The following JMJD1C variants were observed in gnomAD, a reference collection of about 807,000 sequenced individuals.
JMJD1C encodes jumonji domain containing 1C, also known as jumonji domain-containing protein 1C.
In JMJD1C, 31 loss-of-function variants were observed where a neutral mutation model predicts 245.3. The observed-to-expected ratio is 0.13, with a 90% CI of 0.09 to 0.17. The LOEUF (loss-of-function observed/expected upper bound fraction) is 0.17. Among genes scored for constraint, JMJD1C ranks in the 10% least tolerant of loss-of-function variants. JMJD1C has a pLI of 1.00. For synonymous variants in JMJD1C, 1,057 were observed against 1,017.4 expected, an observed-to-expected ratio of 1.04 and a Z score of -0.74; for missense variants, 2,691 against 3,000.2, an observed-to-expected ratio of 0.90 and a Z score of 2.41.
intron 23 of JMJD1C, chr10:63,177,403 C>G (rs1368816281): frequency 1.7e-5 from 5 of 286,330 alleles, no homozygotes; most frequent in Non-Finnish European, 2.0e-5. Context: ...GTTTTTACAT[C>G]CCGCGACTCC....
chr10:63,456,625 C>T (rs1040672536), intron 1 of JMJD1C, among the ~76,000 whole-genome samples: 1 of 152,098 alleles, frequency 6.6e-6, no homozygotes, highest in African/African-American at 2.4e-5. Flanking sequence ...ATTAGTCACA[C>T]AGACCTCTTC....
chr10:63,218,556 A>G (rs1848245720), intron 4 of JMJD1C, among the ~76,000 whole-genome samples: 1 of 152,106 alleles, frequency 6.6e-6, no homozygotes, highest in Non-Finnish European at 1.5e-5. Context: ...AAATATGATC[A>G]GTTTTCAATT....
chr10:63,404,341 A>G (rs1299471604), intron 1 of JMJD1C, among the ~76,000 whole-genome samples: 1 of 152,192 alleles, frequency 6.6e-6, no homozygotes, highest in African/African-American at 2.4e-5. Context: ...CAGAGAGAGA[A>G]AAGATATACG....
Position 63,185,651 on chromosome 10 carries a change from G to A in JMJD1C, c.6742C>T (p.Arg2248Trp). 1 of 1,563,996 alleles carries A rather than the reference G, an allele frequency of 6.4e-7. No individual in the cohort carries two copies. Among genetic ancestry groups the A allele is most frequent in the Non-Finnish European group, 8.8e-7 (1 of 1,135,040 alleles). ...FWDGFEEVSK[R>W]QKNKSGETVV... ...GTTTCTCCACTCTTGTTTTTCTGCC[G>A]TTCTATAAGGAATGCAGTTAATTAC... The change falls in exon 20 of 26, where the codon CGG becomes TGG. Residue 2248 changes from arginine (R) to tryptophan (W), a missense_variant and splice_region_variant. By Grantham distance (101) the Arg-to-Trp change is moderately radical. Around this residue, in one of 9 missense-constraint regions of JMJD1C, gnomAD observed 232 missense variants for 416.1 expected, o/e 0.56. Transcript: ENST00000399262.
chr10:63,318,004 C>G (rs1032017260), intron 2 of JMJD1C, among the ~76,000 whole-genome samples: 1 of 151,902 alleles, frequency 6.6e-6, no homozygotes, highest in African/African-American at 2.4e-5. Context: ...TGCACCACCA[C>G]GCTCGTTTTG....
At chr10:63,273,932 T>C (rs1856555965) in intron 2 of JMJD1C, among the ~76,000 whole-genome samples, 1 of 152,198 alleles carries the variant, frequency 6.6e-6, no homozygotes, top group African/African-American at 2.4e-5. Context: ...AACAAAGATT[T>C]TGGTTCCATT....
At chr10:63,319,988 A>T (rs1940644004) in intron 2 of JMJD1C, among the ~76,000 whole-genome samples, 1 of 151,582 alleles carries the variant, frequency 6.6e-6, no homozygotes, top group African/African-American at 2.4e-5. Flanking sequence ...CTGGTTTCAA[A>T]CTCCTGACCT....
intron 2 of JMJD1C, among the ~76,000 whole-genome samples, chr10:63,325,392 G>A (rs1020825535): frequency 2.0e-5 from 3 of 152,210 alleles, no homozygotes; most frequent in African/African-American, 7.2e-5. Context: ...CCAGGATGGA[G>A]TGCTGTGAGG....
rs1859016456 is a variant in JMJD1C, at chr10:63,293,467, G to C, written c.334-28703C>G. The stretch of plus-strand genomic sequence containing the variant: ...TACATTCACTGCTACCATTCTCTCA[G>C]GTCCATCAAATAAAATATAAATATG... On this transcript the variant is annotated intron_variant, in intron 2 of 25. Coordinates refer to ENST00000399262, the MANE Select transcript of JMJD1C (RefSeq NM_032776.3). 2.0e-5 allele frequency among the ~76,000 whole-genome samples: 3 copies of C among 152,010 alleles called. No individual in the cohort carries two copies. In the South Asian group the frequency reaches 6.2e-4, roughly 31 times the overall value.
At chr10:63,272,022 G>A (rs1359267767) in intron 2 of JMJD1C, among the ~76,000 whole-genome samples, 19 of 148,120 alleles carry the variant, frequency 1.3e-4, no homozygotes, top group African/African-American at 3.7e-4. Context: ...GCAGTGAGCC[G>A]AGATCATACC....
upstream of JMJD1C, among the ~76,000 whole-genome samples, chr10:63,469,540 T>TA (rs1953422689): frequency 6.6e-6 from 1 of 152,210 alleles, no homozygotes; most frequent in African/African-American, 2.4e-5. Flanking sequence ...ATTTAGCACT[T>TA]ACTATGTGGG....
rs375434559 is a variant in JMJD1C, at chr10:63,450,096, G to C, written c.168+15399C>G. Among the ~76,000 whole-genome samples, 23 of 152,226 alleles carry C rather than the reference G, an allele frequency of 1.5e-4. 1 individual carries two copies. The South Asian group carries it at 4.6e-3, about 30-fold the overall frequency. On this transcript the variant is annotated intron_variant, in intron 1 of 25. Coordinates refer to ENST00000399262, the MANE Select transcript of JMJD1C (RefSeq NM_032776.3). ...CCACTGCACTCCAGTATGGGTGACAGAGTGAGACCCTGTCTCAAAAAACAA... is the reference window on the plus strand; with the variant it reads ...CCACTGCACTCCAGTATGGGTGACACAGTGAGACCCTGTCTCAAAAAACAA...
intron 1 of JMJD1C, among the ~76,000 whole-genome samples, chr10:63,445,364 A>G (rs958827736): frequency 6.6e-6 from 1 of 152,232 alleles, no homozygotes; most frequent in Non-Finnish European, 1.5e-5. Flanking sequence ...ATGAGCAAGC[A>G]TGTTAACATT....
intron 3 of JMJD1C, among the ~76,000 whole-genome samples, chr10:63,250,069 G>A (rs1024926611): frequency 1.3e-4 from 20 of 151,694 alleles, no homozygotes; most frequent in African/African-American, 1.7e-4. Context: ...GTGTGCAATC[G>A]CATAATCATA....
intron 2 of JMJD1C, among the ~76,000 whole-genome samples, chr10:63,328,129 G>A (rs1244043493): frequency 6.6e-6 from 1 of 152,068 alleles, no homozygotes; most frequent in Non-Finnish European, 1.5e-5. Context: ...ACAAAAATTA[G>A]CCAGGCATGG....
At chr10:63,519,301 G>A (rs1020371322) in intron 1 of JMJD1C, among the ~76,000 whole-genome samples, 14 of 152,156 alleles carry the variant, frequency 9.2e-5, no homozygotes, top group African/African-American at 3.4e-4. Flanking sequence ...TAATGTACTA[G>A]GATTAGCTGA....
intron 3 of JMJD1C, among the ~76,000 whole-genome samples, chr10:63,247,369 C>A (rs888840009): frequency 6.6e-6 from 1 of 152,008 alleles, no homozygotes; most frequent in South Asian, 2.1e-4. Context: ...CATGGACACA[C>A]AACCTACCAA....
At chr10:63,315,769 G>C (rs9414794) in intron 2 of JMJD1C, among the ~76,000 whole-genome samples, 2,190 of 151,002 alleles carry the variant, frequency 0.015, 50 homozygotes, top group African/African-American at 0.051. Flanking sequence ...GAACCCACGA[G>C]GCAGAGGTTG....
intron 10 of JMJD1C, chr10:63,202,762 A>G: frequency 3.0e-6 from 3 of 985,422 alleles, no homozygotes; most frequent in East Asian, 1.1e-4. Context: ...CCATTGTGCA[A>G]AAGAGATTTT....
Sources: gnomAD v4.1 joint callset for allele counts (sites outside exome capture counted in the v4.1 genomes callset) on GRCh38, gnomAD v4.1.1 for gene constraint, gnomAD v4.1.1 regional missense constraint, MANE v1.5 for transcripts, NCBI Gene and HGNC (gene_info 2026-07-23, HGNC 2026-07-21) for gene names.